The following SHANK1 variants were observed in gnomAD, a reference collection of about 807,000 sequenced individuals.
The protein encoded by SHANK1 is SH3 and multiple ankyrin repeat domains 1.
In SHANK1, 35 loss-of-function variants were observed where a neutral mutation model predicts 165.6. That is an observed-to-expected ratio of 0.21 (90% CI 0.16 to 0.28). The LOEUF (loss-of-function observed/expected upper bound fraction) is 0.28. Ranked by LOEUF, SHANK1 falls within the 10% of genes least tolerant of loss-of-function variation. SHANK1 has a pLI of 1.00. For synonymous variants in SHANK1, 1,428 were observed against 1,384.8 expected (o/e 1.03, Z -0.69); for missense variants, 2,681 against 3,036.4 (o/e 0.88, Z 2.75).
In SHANK1 at chr19:50,667,330, G is replaced by A; in HGVS notation, c.4630C>T (p.Leu1544=). Residue 1544 remains leucine, a synonymous_variant, in exon 23 of 24, where the codon CTG becomes TTG. Coordinates refer to ENST00000293441, the MANE Select transcript of SHANK1 (RefSeq NM_016148.5). This position sits in a 1 kb window ranked among gnomAD's most constrained non-coding sequence, Gnocchi z 5.7. ...PRASEENGLP[L]LVLPPPAPSV... The stretch of plus-strand genomic sequence containing the variant: ...GGGGCGGGAGGCGGCAGGACCAGCA[G>A]GGGCAGCCCGTTCTCTTCGCTGGCC... 3 of 1,577,138 alleles carry A rather than the reference G, an allele frequency of 1.9e-6. No individual in the cohort carries two copies. The African/African-American group carries it at 4.0e-5, about 21-fold the overall frequency.
In SHANK1 at chr19:50,661,950, C is replaced by T. The variant is rs746362946; in HGVS notation, c.*15G>A. The T allele has an allele frequency of 2.0e-5, 33 of 1,612,766 alleles. No individual in the cohort carries two copies. The highest frequency in any genetic ancestry group is 6.7e-5 in the East Asian group (3 of 44,860). On this transcript the variant is annotated 3_prime_UTR_variant, in exon 24 of 24. Coordinates refer to ENST00000293441, the MANE Select transcript of SHANK1 (RefSeq NM_016148.5). ...AAGAGTTCTGTGGACGGGGCTGGTC[C>T]GTCCAGGCCAGCCATCACCTCTCCA...
At position 50,662,580 on chromosome 19, in the gene SHANK1, C is replaced by G. The variant is rs1335856746; in HGVS notation, c.5871G>C (p.Gly1957=). Residue 1957 remains glycine, a synonymous_variant, in exon 24 of 24, where the codon GGG becomes GGC. Transcript: ENST00000293441. This position sits in a 1 kb window ranked among gnomAD's most constrained non-coding sequence, Gnocchi z 7.7. ...PPLPPLPTGT[G]VSPTAAAAPG... Reference sequence around the variant, plus strand: ...GGGCCGCAGCGGCTGTAGGGGAGACCCCTGTTCCGGTGGGGAGTGGCGGCA... The same window carrying G: ...GGGCCGCAGCGGCTGTAGGGGAGACGCCTGTTCCGGTGGGGAGTGGCGGCA... 6.4e-7 allele frequency: 1 copy of G among 1,564,608 alleles called. No homozygotes were observed. Among genetic ancestry groups the G allele is most frequent in the African/African-American group, 1.4e-5 (1 of 73,754 alleles).
Position 50,700,355 on chromosome 19 carries a change from C to CGG in SHANK1, c.1747+2110_1747+2111dup, listed in dbSNP as rs1214771385. Among the ~76,000 whole-genome samples, 296 of 142,726 alleles carry CGG rather than the reference C, an allele frequency of 2.1e-3. 2 individuals carry two copies. The highest frequency in any genetic ancestry group is 4.0e-3 in the Middle Eastern group (1 of 252). 93.6% of individuals were successfully genotyped at this position (142,726 alleles called of 152,430 possible). On this transcript the variant is annotated intron_variant, in intron 12 of 23. Coordinates refer to ENST00000293441, the MANE Select transcript of SHANK1 (RefSeq NM_016148.5). ...CGGGGCATTGGAGGATTGGAGGGCT[C>CGG]GGGGCATAGGAGGATTGGAGAGCTC...
In SHANK1 at chr19:50,661,758, CT is replaced by C; in HGVS notation, c.*206del. The C allele has an allele frequency of 1.7e-6, 1 of 574,678 alleles. No homozygotes were observed. Among genetic ancestry groups the C allele is most frequent in the Non-Finnish European group, 3.1e-6 (1 of 324,356 alleles). 35.6% of individuals were successfully genotyped at this position (574,678 alleles called of 1,614,324 possible). A position where few individuals can be genotyped will look rare whatever the true frequency, so the allele number is the denominator to read the frequency against. The stretch of plus-strand genomic sequence containing the variant: ...CCCGCTTCACACACACACACACACT[CT>C]TGTGTCAGCTGCCCCCCTTCAGTGA... On this transcript the variant is annotated 3_prime_UTR_variant, in exon 24 of 24. Coordinates refer to ENST00000293441, the MANE Select transcript of SHANK1 (RefSeq NM_016148.5).
Position 50,668,692 on chromosome 19 carries a change from G to C in SHANK1, c.3268C>G (p.Arg1090Gly). ...PALRYFQLPP[R>G]AASAAMYVPA... is the part of the protein sequence containing the mutation. ...ACGTACATGGCTGCGCTGGCCGCCC[G>C]CGGGGGCAGCTGGAAATAGCGTAGA... The change falls in exon 23 of 24, where the codon CGG becomes GGG. Residue 1090 changes from arginine to glycine, a missense_variant. Around this residue, in one of 10 missense-constraint regions of SHANK1, gnomAD observed 1,713 missense variants for 1,630.2 expected, o/e 1.05. Transcript: ENST00000293441. The C allele has an allele frequency of 7.7e-7, 1 of 1,303,272 alleles. No individual in the cohort carries two copies. Among genetic ancestry groups the C allele is most frequent in the Non-Finnish European group, 9.7e-7 (1 of 1,032,178 alleles). The allele number at this position is 1,303,272 out of a possible 1,614,324, so 80.7% of individuals were successfully genotyped here.
rs553926999 is a variant in SHANK1 at position 50,659,771 on chromosome 19, T to TC, written c.*2193dup. Among the ~76,000 whole-genome samples the TC allele has an allele frequency of 0.01, 271 of 25,860 alleles. No individual in the cohort carries two copies. Among genetic ancestry groups the TC allele is most frequent in the African/African-American group, 0.037 (231 of 6,288 alleles). 17.0% of individuals were successfully genotyped at this position (25,860 alleles called of 152,430 possible). A position where few individuals can be genotyped will look rare whatever the true frequency, so the allele number is the denominator to read the frequency against. On this transcript the variant is annotated 3_prime_UTR_variant, in exon 24 of 24. Coordinates refer to ENST00000293441, the MANE Select transcript of SHANK1 (RefSeq NM_016148.5). ...CCCCACTCCCCACCCCGACCTCTCC[T>TC]CCCCCCCCCACCCCCTACACCCTCC...
chr19:50,706,172 G>A, intron 8 of SHANK1, among the ~76,000 whole-genome samples: 1 of 149,176 alleles, frequency 6.7e-6, no homozygotes, highest in African/African-American at 2.5e-5. Context: ...AAAAAGGGGG[G>A]GTTGGGGGGG....
At position 50,667,734 on chromosome 19, in the gene SHANK1, C is replaced by A; in HGVS notation, c.4226G>T (p.Gly1409Val). 1 of 1,331,380 alleles carries A rather than the reference C, an allele frequency of 7.5e-7. No individual in the cohort carries two copies. The highest frequency in any genetic ancestry group is 2.1e-5 in the South Asian group (1 of 48,536). 82.5% of individuals were successfully genotyped at this position (1,331,380 alleles called of 1,614,324 possible). The change falls in exon 23 of 24, where the codon GGG becomes GTG. Residue 1409 changes from glycine (G) to valine (V), a missense_variant. Gly to Val is a moderately radical substitution (Grantham distance 109). This residue lies in a region of SHANK1 where 1,713 missense variants were observed against 1,630.2 expected (regional missense o/e 1.05). Coordinates refer to ENST00000293441, the MANE Select transcript of SHANK1 (RefSeq NM_016148.5). This position sits in a 1 kb window ranked among gnomAD's most constrained non-coding sequence, Gnocchi z 5.7. ...AHHEPVLRLW[G>V]ASPPDPARRE... ...GCGCGCAGGGTCCGGCGGGGAGGCC[C>A]CCCAGAGACGCAGCACTGGCTCGTG...
At chr19:50,671,703 G>A (rs1295019171) in intron 22 of SHANK1, among the ~76,000 whole-genome samples, 1 of 152,020 alleles carries the variant, frequency 6.6e-6, no homozygotes, top group Non-Finnish European at 1.5e-5. Context: ...TGAATGAATG[G>A]ATGGAATCGG....
chr19:50,693,841 C>T (rs1475912297), intron 15 of SHANK1, among the ~76,000 whole-genome samples: 1 of 152,146 alleles, frequency 6.6e-6, no homozygotes, highest in Non-Finnish European at 1.5e-5. Context: ...GACTCAAGTA[C>T]TCCTGACATG....
At position 50,693,567 on chromosome 19, in the gene SHANK1, A is replaced by G. The variant is rs1330663993; in HGVS notation, c.1964+3529T>C. On this transcript the variant is annotated intron_variant, in intron 15 of 23. Transcript: ENST00000293441. ...ACACAGGGGCACTGCAGCGGCCTGC[A>G]CTCCCCTCCCCACCCCAACGTCCCT... 2.0e-5 allele frequency among the ~76,000 whole-genome samples: 3 copies of G among 150,086 alleles called. No homozygotes were observed. In the East Asian group the frequency reaches 6.0e-4, roughly 30 times the overall value.
chr19:50,717,727 G>A lies in SHANK1; in HGVS notation c.-43-765C>T, dbSNP rs914159899. ...TGGGGAGTGCTGTCCAGGTGACAGT[G>A]GTGTGGTGGCCCGGGTAGATGTGGG... On this transcript the variant is annotated intron_variant, in intron 1 of 23. Transcript: ENST00000293441. The surrounding 1 kb of genome is among the most constrained non-coding windows in gnomAD (Gnocchi z 5.5). Among the ~76,000 whole-genome samples, 2 of 152,052 alleles carry A rather than the reference G, an allele frequency of 1.3e-5. No homozygotes were observed. Among genetic ancestry groups the A allele is most frequent in the Non-Finnish European group, 1.5e-5 (1 of 67,992 alleles).
Position 50,716,537 on chromosome 19 carries a change from G to C in SHANK1, c.256-59C>G. On this transcript the variant is annotated intron_variant, in intron 2 of 23. Coordinates refer to ENST00000293441, the MANE Select transcript of SHANK1 (RefSeq NM_016148.5). The surrounding 1 kb of genome is among the most constrained non-coding windows in gnomAD (Gnocchi z 8.4). ...CAGGGGCCAGAGGAGAGCCTGAGGT[G>C]GGTTGGGAAGTGAGCCAGGAGCTGA... The C allele has an allele frequency of 1.3e-6, 2 of 1,591,308 alleles. No homozygotes were observed. The highest frequency in any genetic ancestry group is 2.3e-5 in the South Asian group (2 of 88,790).
intron 15 of SHANK1, among the ~76,000 whole-genome samples, chr19:50,693,269 C>CGAACCCT (rs1169147460): frequency 1.4e-5 from 2 of 141,236 alleles, no homozygotes; most frequent in Non-Finnish European, 3.1e-5. Context: ...TTCTCTGCTC[C>CGAACCCT]GAACCCTCGG....
intron 23 of SHANK1, 151 bp downstream of exon 23, chr19:50,666,041 A>G (rs1985493169): frequency 9.2e-5 from 51 of 555,628 alleles, no homozygotes; most frequent in Middle Eastern, 6.0e-4. Flanking sequence ...AAAAAAAGAA[A>G]AAGAAAATAT....
rs2089088467 is a variant in SHANK1 at position 50,718,010 on chromosome 19, G to A, written c.-43-1048C>T. Among the ~76,000 whole-genome samples, 1 of 152,118 alleles carries A rather than the reference G, an allele frequency of 6.6e-6. No individual in the cohort carries two copies. On this transcript the variant is annotated intron_variant, in intron 1 of 23. Coordinates refer to ENST00000293441, the MANE Select transcript of SHANK1 (RefSeq NM_016148.5). This position sits in a 1 kb window ranked among gnomAD's most constrained non-coding sequence, Gnocchi z 5.1. ...TCCCCCAACTCCCACCCCAGCACCG[G>A]AAACCAGAATGTCTGGTCTGGTCCC...
At position 50,714,000 on chromosome 19, in the gene SHANK1, T is replaced by C; in HGVS notation, c.641-51A>G. The C allele has an allele frequency of 6.2e-7, 1 of 1,602,296 alleles. No individual in the cohort carries two copies. Among genetic ancestry groups the C allele is most frequent in the Non-Finnish European group, 8.5e-7 (1 of 1,172,828 alleles). Reference sequence around the variant, plus strand: ...ATGAAGCCCCTTCTCCTCCCCTCCATCCCTTCCCATTTTCCAGGCTCTGCA... The same window carrying C: ...ATGAAGCCCCTTCTCCTCCCCTCCACCCCTTCCCATTTTCCAGGCTCTGCA... On this transcript the variant is annotated intron_variant, in intron 5 of 23. Transcript: ENST00000293441. This position sits in a 1 kb window ranked among gnomAD's most constrained non-coding sequence, Gnocchi z 6.2.
rs2089067002 is a variant in SHANK1, at chr19:50,716,131, C to T, written c.459+144G>A. The T allele has an allele frequency of 2.5e-6, 2 of 784,510 alleles. No homozygotes were observed. The highest frequency in any genetic ancestry group is 4.3e-6 in the Non-Finnish European group (2 of 464,534). The allele number at this position is 784,510 out of a possible 1,614,324, so 48.6% of individuals were successfully genotyped here. A position where few individuals can be genotyped will look rare whatever the true frequency, so the allele number is the denominator to read the frequency against. ...GTAATTTGAACTCAGGACTCTCTGA[C>T]TTCCCTGTGATGCTTAGAAGGTCTG... On this transcript the variant is annotated intron_variant, in intron 3 of 23. Transcript: ENST00000293441. This position sits in a 1 kb window ranked among gnomAD's most constrained non-coding sequence, Gnocchi z 8.4.
intron 21 of SHANK1, among the ~76,000 whole-genome samples, chr19:50,672,730 T>C (rs1418211737): frequency 6.6e-6 from 1 of 152,086 alleles, no homozygotes; most frequent in Non-Finnish European, 1.5e-5. Context: ...CCCACCAGTG[T>C]TCTCCGGGAT....
Sources: gnomAD v4.1 joint callset for allele counts (sites outside exome capture counted in the v4.1 genomes callset) on GRCh38, gnomAD v4.1.1 for gene constraint, gnomAD v4.1.1 regional missense constraint, Gnocchi (gnomAD v3.1) non-coding constraint, MANE v1.5 for transcripts, NCBI Gene and HGNC (gene_info 2026-07-23, HGNC 2026-07-21) for gene names.